Variants in MID1 observed in about 807,000 individuals in gnomAD.
The protein encoded by MID1 is midline 1, also known as E3 ubiquitin-protein ligase Midline-1.
Under a neutral mutation model 40.4 loss-of-function variants are expected in MID1, and 7 were observed. The ratio of observed to expected loss-of-function variants is 0.17; its 90% CI spans 0.10 to 0.33. The LOEUF is 0.33. Among genes scored for constraint, MID1 ranks in the 10% least tolerant of loss-of-function variants. The pLI, the probability that MID1 is intolerant of heterozygous loss-of-function variation, is 1.00. For missense variants in MID1, 367 were observed against 558.5 expected (o/e 0.66, Z 3.46); for synonymous variants, 229 against 221.2 (o/e 1.04, Z -0.31).
At chrX:10,727,398 C>T (rs767727625) in intron 1 of MID1, among the ~76,000 whole-genome samples, 4 of 112,959 alleles carry the variant, frequency 3.5e-5, no homozygotes, top group Non-Finnish European at 7.5e-5. Context: ...GGATGACAGG[C>T]GTGAGCCACT....
At chrX:10,510,659 CG>C (rs1932080028) in intron 3 of MID1, among the ~76,000 whole-genome samples, 2 of 107,145 alleles carry the variant, frequency 1.9e-5, no homozygotes, top group Admixed American at 1.0e-4. Flanking sequence ...GGCGAAATCC[CG>C]GTCTCTACTA....
intron 1 of MID1, among the ~76,000 whole-genome samples, chrX:10,778,584 G>A (rs980580624): frequency 8.9e-5 from 10 of 112,106 alleles, no homozygotes; most frequent in Middle Eastern, 9.3e-3. Flanking sequence ...TTATTCAGGC[G>A]GGCCCAATGT....
intron 1 of MID1, among the ~76,000 whole-genome samples, chrX:10,705,356 T>C (rs2043223228): frequency 8.9e-6 from 1 of 111,928 alleles, no homozygotes; most frequent in African/African-American, 3.2e-5. Context: ...TCTAGGTGAG[T>C]GAACTTGATT....
chrX:10,713,325 A>ATT (rs112742852), intron 1 of MID1, among the ~76,000 whole-genome samples: 74 of 96,493 alleles, frequency 7.7e-4, no homozygotes, highest in African/African-American at 2.4e-3. Context: ...AGAGAAGGAG[A>ATT]TTTTTTTTTT....
chrX:10,767,042 C>T (rs767904807), intron 1 of MID1, among the ~76,000 whole-genome samples: 1 of 111,592 alleles, frequency 9.0e-6, no homozygotes, highest in Admixed American at 9.6e-5. Flanking sequence ...CCTCTATGTC[C>T]CACATTTTAG....
At chrX:10,602,305 A>C (rs1935545512) in intron 1 of MID1, among the ~76,000 whole-genome samples, 1 of 106,871 alleles carries the variant, frequency 9.4e-6, no homozygotes, top group Non-Finnish European at 1.9e-5. Flanking sequence ...TATCATTCTT[A>C]AAAACAGCTT....
chrX:10,459,589 T>C lies in MID1; in HGVS notation c.1447+57A>G, dbSNP rs1279380384. ...AAAAGGAAAAGAAAGGGGGACAGAG[T>C]CAGCTGAAAGAAGAGCAGATAAGAC... On this transcript the variant is annotated intron_variant, in intron 8 of 9. Coordinates refer to ENST00000317552, the MANE Select transcript of MID1 (RefSeq NM_000381.4). 6.1e-6 allele frequency: 7 copies of C among 1,140,408 alleles called. No individual in the cohort carries two copies. In the East Asian group the frequency reaches 1.5e-4, roughly 24 times the overall value. 94.0% of individuals were successfully genotyped at this position (1,140,408 alleles called of 1,213,427 possible).
At chrX:10,647,788 T>C (rs990616888) in intron 1 of MID1, among the ~76,000 whole-genome samples, 6 of 111,452 alleles carry the variant, frequency 5.4e-5, no homozygotes, top group African/African-American at 2.0e-4. Context: ...TCTCTGAGCG[T>C]CAGAATCATC....
intron 1 of MID1, among the ~76,000 whole-genome samples, chrX:10,749,010 C>G (rs1051435189): frequency 9.0e-6 from 1 of 111,224 alleles, no homozygotes; most frequent in African/African-American, 3.3e-5. Context: ...CTGGAAGGTT[C>G]TAAGGTCATC....
chrX:10,755,163 C>A (rs1569162588), intron 1 of MID1, among the ~76,000 whole-genome samples: 1 of 111,994 alleles, frequency 8.9e-6, no homozygotes, highest in East Asian at 2.8e-4. Context: ...AACAGAGATG[C>A]TTTGGAAAAA....
intron 1 of MID1, among the ~76,000 whole-genome samples, chrX:10,592,623 C>T (rs935797200): frequency 5.4e-5 from 6 of 110,186 alleles, no homozygotes; most frequent in African/African-American, 2.0e-4. Flanking sequence ...CTTTCTTTTT[C>T]ATATATATAT....
At chrX:10,767,715 C>G (rs900006245) in intron 1 of MID1, among the ~76,000 whole-genome samples, 3 of 111,834 alleles carry the variant, frequency 2.7e-5, no homozygotes, top group African/African-American at 9.8e-5. Context: ...ATACTGGACT[C>G]TTTAAGTGAC....
intron 7 of MID1, among the ~76,000 whole-genome samples, chrX:10,465,233 A>ACACACACC (rs1929311660): frequency 1.0e-5 from 1 of 96,135 alleles, no homozygotes; most frequent in African/African-American, 3.9e-5. Flanking sequence ...ACACACACAC[A>ACACACACC]CACACACACA....
chrX:10,631,630 C>A (rs1229060222), intron 1 of MID1, among the ~76,000 whole-genome samples: 1 of 112,449 alleles, frequency 8.9e-6, no homozygotes, highest in Non-Finnish European at 1.9e-5. Context: ...TATGACTCCA[C>A]TTGTAATCAT....
chrX:10,512,105 T>G, intron 3 of MID1, among the ~76,000 whole-genome samples: 1 of 112,466 alleles, frequency 8.9e-6, no homozygotes, highest in East Asian at 2.8e-4. Context: ...AAAAGGAATT[T>G]ACTTATTTAC....
At chrX:10,602,658 AGAAGTATTT>A (rs990803909) in intron 1 of MID1, among the ~76,000 whole-genome samples, 2 of 112,541 alleles carry the variant, frequency 1.8e-5, no homozygotes, top group Non-Finnish European at 3.7e-5. Flanking sequence ...CCTCAGGTTT[AGAAGTATTT>A]GATAAAACAA....
chrX:10,779,965 G>GTTTT (rs57464977), intron 1 of MID1, among the ~76,000 whole-genome samples: 1 of 104,651 alleles, frequency 9.6e-6, no homozygotes. Context: ...TCTTTTCTTT[G>GTTTT]TTTTTTTTTT....
chrX:10,688,658 T>A (rs755324331), intron 1 of MID1, among the ~76,000 whole-genome samples: 119 of 111,857 alleles, frequency 1.1e-3, no homozygotes, highest in Middle Eastern at 4.6e-3. Flanking sequence ...TCAATTTTTT[T>A]TCTCAAACAG....
chrX:10,720,876 T>G (rs758780721), intron 1 of MID1, among the ~76,000 whole-genome samples: 3,999 of 108,345 alleles, frequency 0.037, 82 homozygotes, highest in Non-Finnish European at 0.057. Context: ...CCATAAAAAA[T>G]GATGAGTTCA....
Sources: allele counts gnomAD v4.1 joint callset (sites outside exome capture counted in the v4.1 genomes callset), GRCh38; gene constraint gnomAD v4.1.1; transcripts MANE v1.5; gene names NCBI Gene and HGNC (gene_info 2026-07-23, HGNC 2026-07-21).